The following SBF2 variants were observed in gnomAD, a reference collection of about 807,000 sequenced individuals.
The protein encoded by SBF2 is SET binding factor 2.
In SBF2, 112 loss-of-function variants were observed where a neutral mutation model predicts 225.2. The ratio of observed to expected loss-of-function variants is 0.50; its 90% CI spans 0.43 to 0.58. SBF2 has a LOEUF of 0.58. Among genes scored for constraint, SBF2 ranks in the 20% least tolerant of loss-of-function variants. The probability of loss-of-function intolerance (pLI) is 0.00; values close to 1 mark genes in which losing one functional copy is unlikely to be tolerated. For synonymous variants in SBF2, 763 were observed against 773.3 expected (o/e 0.99, Z 0.22); for missense variants, 1,996 against 2,206.2 (o/e 0.90, Z 1.91).
At chr11:9,891,724 G>A (rs2134121167) in intron 17 of SBF2, among the ~76,000 whole-genome samples, 1 of 152,360 alleles carries the variant, frequency 6.6e-6, no homozygotes, top group African/African-American at 2.4e-5. Flanking sequence ...TGAATTACAT[G>A]TTACTTAGTA....
chr11:10,127,189 T>C (rs1159041483), intron 2 of SBF2, among the ~76,000 whole-genome samples: 1 of 152,116 alleles, frequency 6.6e-6, no homozygotes, highest in Admixed American at 6.5e-5. Flanking sequence ...AAATGGTACA[T>C]TTTATGTGTA....
At chr11:10,158,158 G>A (rs534017984) in intron 2 of SBF2, among the ~76,000 whole-genome samples, 5 of 151,896 alleles carry the variant, frequency 3.3e-5, no homozygotes, top group East Asian at 1.9e-4. Context: ...AAAAAATAAC[G>A]TATCAAACCT....
At chr11:9,838,405 C>G (rs890600510) in intron 26 of SBF2, 1 of 152,122 alleles carries the variant, frequency 6.6e-6, no homozygotes, top group African/African-American at 2.4e-5. Context: ...TGATAGCAAA[C>G]TTTCCAAACA....
At chr11:10,004,890 A>C (rs1273759947) in intron 6 of SBF2, among the ~76,000 whole-genome samples, 1 of 152,090 alleles carries the variant, frequency 6.6e-6, no homozygotes, top group African/African-American at 2.4e-5. Flanking sequence ...CCCTGCTTTG[A>C]GCTGTCCCGT....
rs927584271 is a variant in SBF2, at chr11:10,029,618, T to C, written c.513+147A>G. On this transcript the variant is annotated intron_variant, in intron 5 of 39. Transcript: ENST00000256190. ...TCTTGAGTGTCTAGAAAGCAGACCA[T>C]GGGGACAATGCTTAACTAAAGTAGG... 33 of 689,890 alleles carry C rather than the reference T, an allele frequency of 4.8e-5. No homozygotes were observed. The East Asian group carries it at 8.1e-4, about 17-fold the overall frequency. The allele number at this position is 689,890 out of a possible 1,614,324, so 42.7% of individuals were successfully genotyped here.
intron 16 of SBF2, among the ~76,000 whole-genome samples, chr11:9,939,011 A>C (rs981409471): frequency 6.6e-6 from 1 of 152,200 alleles, no homozygotes; most frequent in African/African-American, 2.4e-5. Context: ...AAAAGAAAAA[A>C]AGGCAAAAAG....
intron 8 of SBF2, among the ~76,000 whole-genome samples, chr11:9,999,070 T>C (rs1411345095): frequency 6.6e-6 from 1 of 152,318 alleles, no homozygotes; most frequent in East Asian, 1.9e-4. Context: ...TTTAGCATTT[T>C]ACAAAAGTCT....
Position 9,856,185 on chromosome 11 carries a change from G to A in SBF2, c.2363+273C>T, listed in dbSNP as rs1857300574. ...GGAATGATTTCTGTAAATTGCTTTG[G>A]CAGACAGTAACTGAAGGGCTGGATC... On this transcript the variant is annotated intron_variant, in intron 19 of 39. Transcript: ENST00000256190. Among the ~76,000 whole-genome samples the A allele has an allele frequency of 2.0e-5, 3 of 152,290 alleles. No homozygotes were observed. In the South Asian group the frequency reaches 6.2e-4, roughly 32 times the overall value.
At chr11:9,917,613 T>C (rs1863210263) in intron 16 of SBF2, among the ~76,000 whole-genome samples, 2 of 151,792 alleles carry the variant, frequency 1.3e-5, no homozygotes, top group Non-Finnish European at 2.9e-5. Flanking sequence ...ATTACAGGCA[T>C]GAGCCACTGC....
chr11:10,108,489 C>T (rs994537294), intron 2 of SBF2, among the ~76,000 whole-genome samples: 2 of 147,630 alleles, frequency 1.4e-5, no homozygotes, highest in African/African-American at 5.0e-5. Context: ...TCAAAGAAGG[C>T]TGCAAAAACA....
intron 1 of SBF2, among the ~76,000 whole-genome samples, chr11:10,235,340 G>A (rs534112038): frequency 6.6e-6 from 1 of 152,264 alleles, no homozygotes; most frequent in East Asian, 1.9e-4. Context: ...TTTGGGACCA[G>A]CCTCACCAAC....
At chr11:10,055,524 T>TACACACACACAC (rs3993326) in intron 2 of SBF2, among the ~76,000 whole-genome samples, 2 of 133,746 alleles carry the variant, frequency 1.5e-5, no homozygotes, top group Admixed American at 7.6e-5. Context: ...AAGAAAATGA[T>TACACACACACAC]ACACACACAC....
chr11:9,982,341 G>C (rs1156580985), intron 13 of SBF2, among the ~76,000 whole-genome samples: 1 of 151,954 alleles, frequency 6.6e-6, no homozygotes. Context: ...CCATAATGAG[G>C]GCAAATGACT....
intron 1 of SBF2, among the ~76,000 whole-genome samples, chr11:10,304,294 A>G (rs970247117): frequency 3.9e-5 from 6 of 152,224 alleles, no homozygotes; most frequent in Admixed American, 2.6e-4. Flanking sequence ...GCAGCCAGGC[A>G]CAATCTCAGG....
chr11:9,899,683 A>G (rs1178838663), intron 16 of SBF2, among the ~76,000 whole-genome samples: 3 of 152,118 alleles, frequency 2.0e-5, no homozygotes, highest in Non-Finnish European at 4.4e-5. Flanking sequence ...AAAAAGAAAG[A>G]TCACTAGTAG....
intron 31 of SBF2, chr11:9,808,656 C>T (rs566216291): frequency 1.5e-4 from 66 of 448,126 alleles, no homozygotes; most frequent in African/African-American, 7.2e-4. Context: ...GGGCTCCATC[C>T]GCAAGCCTGC....
intron 32 of SBF2, among the ~76,000 whole-genome samples, chr11:9,805,857 G>A (rs557840196): frequency 2.0e-4 from 30 of 152,236 alleles, no homozygotes; most frequent in African/African-American, 4.3e-4. Context: ...CTCTTACCTC[G>A]TGATCCACCC....
chr11:9,943,300 T>C (rs1030525394), intron 16 of SBF2, among the ~76,000 whole-genome samples: 3 of 152,334 alleles, frequency 2.0e-5, no homozygotes, highest in Non-Finnish European at 4.4e-5. Context: ...TATGAGAATA[T>C]TTTTATGGCC....
chr11:9,949,167 T>C (rs185217248), intron 16 of SBF2, among the ~76,000 whole-genome samples: 5 of 152,312 alleles, frequency 3.3e-5, no homozygotes, highest in Non-Finnish European at 2.9e-5. Context: ...TTTTACTTTT[T>C]AGTTGTTTTT....
Sources: allele counts gnomAD v4.1 joint callset (sites outside exome capture counted in the v4.1 genomes callset), GRCh38; gene constraint gnomAD v4.1.1; transcripts MANE v1.5; gene names NCBI Gene and HGNC (gene_info 2026-07-23, HGNC 2026-07-21).